The following RBM4 variants were observed in gnomAD, a reference collection of about 807,000 sequenced individuals.
RBM4 encodes RNA-binding protein 4.
In RBM4, 7 loss-of-function variants were observed where a neutral mutation model predicts 29.5. That is an observed-to-expected ratio of 0.24 (90% CI 0.14 to 0.45). The LOEUF (loss-of-function observed/expected upper bound fraction) is 0.45. Ranked by LOEUF, RBM4 falls within the 20% of genes least tolerant of loss-of-function variation. The probability of loss-of-function intolerance (pLI) is 1.00; values close to 1 mark genes in which losing one functional copy is unlikely to be tolerated. For synonymous variants in RBM4, 220 were observed against 205.4 expected, an observed-to-expected ratio of 1.07 and a Z score of -0.61; for missense variants, 387 against 502.3, an observed-to-expected ratio of 0.77 and a Z score of 2.19.
exon 3 of RBM4, chr11:66,666,252 G>GA (rs917142750): frequency 8.6e-4 from 873 of 1,020,004 alleles, no homozygotes; most frequent in Middle Eastern, 2.5e-3. Context: ...ATGGCTGGGG[G>GA]AAAAAAAAAG....
chr11:66,648,899 CAG>C (rs1938766309), downstream of RBM4, among the ~76,000 whole-genome samples: 4 of 151,126 alleles, frequency 2.6e-5, no homozygotes, highest in South Asian at 8.4e-4. Context: ...CTCCCTGTAA[CAG>C]ACAATGTAAG....
downstream of RBM4, among the ~76,000 whole-genome samples, chr11:66,647,328 G>A (rs1270002982): frequency 6.6e-6 from 1 of 152,116 alleles, no homozygotes; most frequent in Non-Finnish European, 1.5e-5. Flanking sequence ...TACTTCGATA[G>A]TTTCTCAGAT....
chr11:66,649,032 CAG>C (rs987042906), downstream of RBM4, among the ~76,000 whole-genome samples: 22 of 151,470 alleles, frequency 1.5e-4, no homozygotes, highest in African/African-American at 5.1e-4. Flanking sequence ...TTTTTTGAGA[CAG>C]AGTCTCTCTG....
At chr11:66,664,775 T>C (rs1391766227) in intron 2 of RBM4, among the ~76,000 whole-genome samples, 1 of 152,182 alleles carries the variant, frequency 6.6e-6, no homozygotes, top group Non-Finnish European at 1.5e-5. Context: ...TTTTTTATTT[T>C]TGGTAGAGAC....
At chr11:66,644,712 A>G in intron 3 of RBM4, 3 of 976,744 alleles carry the variant, frequency 3.1e-6, no homozygotes, top group Non-Finnish European at 3.6e-6. Context: ...GAACCGTTCA[A>G]CCCTTATGAG....
chr11:66,640,382 C>T (rs1183650151), intron 2 of RBM4: 7 of 552,242 alleles, frequency 1.3e-5, no homozygotes, highest in Non-Finnish European at 1.6e-5. Flanking sequence ...GTGCAGAAAC[C>T]CTTTTCTTTG....
chr11:66,652,555 CATT>C (rs376654497), intron 2 of RBM4, among the ~76,000 whole-genome samples: 3 of 152,254 alleles, frequency 2.0e-5, no homozygotes, highest in Non-Finnish European at 4.4e-5. Flanking sequence ...CATGTTCTTG[CATT>C]ATTAAGTTGT....
At chr11:66,645,908 G>A (rs1938672138) in intron 3 of RBM4, 119 bp from the exon 4 acceptor site, 2 of 1,499,232 alleles carry the variant, frequency 1.3e-6, no homozygotes, top group Admixed American at 4.0e-5. Flanking sequence ...GGGGGAGAAG[G>A]GTACAAGTAA....
Position 66,644,011 on chromosome 11 carries a change from A to G in RBM4, c.974A>G (p.Tyr325Cys), listed in dbSNP as rs1270176941. 2 of 1,613,554 alleles carry G rather than the reference A, an allele frequency of 1.2e-6. No homozygotes were observed. Among genetic ancestry groups the G allele is most frequent in the African/African-American group, 1.3e-5 (1 of 74,904 alleles). ...CCAGTCCCCACTGTTGGAGAGGGCT[A>G]CGGTTACGGGCATGAGAGTGAGTTG... ...TAPVPTVGEG[Y>C]GYGHESELSQ... The change falls in exon 3 of 4, where the codon TAC becomes TGC. Residue 325 changes from tyrosine (Y) to cysteine (C), a missense_variant. Tyr to Cys is a radical substitution (Grantham distance 194). This residue lies in a region of RBM4 where 281 missense variants were observed against 288.7 expected (regional missense o/e 0.97). Transcript: ENST00000310092.
chr11:66,648,237 T>C (rs972311183), downstream of RBM4, among the ~76,000 whole-genome samples: 9 of 151,878 alleles, frequency 5.9e-5, no homozygotes, highest in African/African-American at 2.2e-4. Flanking sequence ...TTTAAGTCCT[T>C]GGCCAGGTGC....
chr11:66,661,794 C>T (rs891161700), intron 2 of RBM4, among the ~76,000 whole-genome samples: 7 of 152,176 alleles, frequency 4.6e-5, no homozygotes, highest in Non-Finnish European at 1.0e-4. Flanking sequence ...CTTTGGGAAG[C>T]CGAGGTGGGT....
intron 2 of RBM4, among the ~76,000 whole-genome samples, chr11:66,654,491 A>G (rs1280694475): frequency 6.6e-6 from 1 of 151,778 alleles, no homozygotes; most frequent in Non-Finnish European, 1.5e-5. Flanking sequence ...GTGAGACTCC[A>G]TCTCAAAAAA....
At chr11:66,657,753 T>G (rs1455614989) in intron 2 of RBM4, among the ~76,000 whole-genome samples, 2 of 151,718 alleles carry the variant, frequency 1.3e-5, no homozygotes, top group Admixed American at 1.3e-4. Context: ...CCACCTTTTT[T>G]TTGAGACAGG....
chr11:66,647,312 G>A (rs1034431854), downstream of RBM4, among the ~76,000 whole-genome samples: 1 of 152,058 alleles, frequency 6.6e-6, no homozygotes, highest in African/African-American at 2.4e-5. Flanking sequence ...TAAAGAAGCT[G>A]GTCTTTACTT....
chr11:66,639,416 C>G, intron 1 of RBM4: 1 of 438,046 alleles, frequency 2.3e-6, no homozygotes, highest in Non-Finnish European at 4.1e-6. Context: ...TCTTCATATG[C>G]TGTCTTTCAT....
In RBM4 at chr11:66,643,892, A is replaced by AGCTGCTGCTGCAGCAGCAGCC. The variant is rs760467887; in HGVS notation, c.866_886dup (p.Ala289_Ala295dup). The AGCTGCTGCTGCAGCAGCAGCC allele has an allele frequency of 4.3e-6, 7 of 1,613,228 alleles. No homozygotes were observed. Among genetic ancestry groups the AGCTGCTGCTGCAGCAGCAGCC allele is most frequent in the East Asian group, 2.2e-5 (1 of 44,850 alleles). On this transcript the variant is annotated inframe_insertion, in exon 3 of 4. Transcript: ENST00000310092. The surrounding 1 kb of genome is among the most constrained non-coding windows in gnomAD (Gnocchi z 6.1). The stretch of plus-strand genomic sequence containing the variant: ...TGCCGACCTCAGGAGCTGCTGCCAC[A>AGCTGCTGCTGCAGCAGCAGCC]GCTGCTGCTGCAGCAGCAGCCGCTG...
intron 3 of RBM4, 71 bp downstream of exon 3, chr11:66,644,211 CT>C: frequency 6.5e-7 from 1 of 1,529,310 alleles, no homozygotes; most frequent in Non-Finnish European, 8.8e-7. Flanking sequence ...TCCAATTAGG[CT>C]GCCCTGCTTG....
intron 2 of RBM4, chr11:66,665,221 A>G (rs1939180345): frequency 7.1e-6 from 2 of 282,332 alleles, no homozygotes; most frequent in South Asian, 4.4e-5. Context: ...TTGCCACTAC[A>G]TGGTCATTTT....
Position 66,643,499 on chromosome 11 carries a change from C to T in RBM4, c.462C>T (p.Pro154=), listed in dbSNP as rs929874576. ...CCACCAGCCGGCTTAGGACTGCGCC[C>T]GGGATGGGAGACCAGAGCGGCTGCT... ...QLSTSRLRTA[P]GMGDQSGCYR... The change falls in exon 3 of 4, where the codon CCC becomes CCT. Residue 154 remains proline, a synonymous_variant. Coordinates refer to ENST00000310092, the MANE Select transcript of RBM4 (RefSeq NM_002896.4). This position sits in a 1 kb window ranked among gnomAD's most constrained non-coding sequence, Gnocchi z 6.1. 5.0e-6 allele frequency: 8 copies of T among 1,613,768 alleles called. No individual in the cohort carries two copies. The highest frequency in any genetic ancestry group is 1.1e-5 in the South Asian group (1 of 91,084).
Sources: gnomAD v4.1 joint callset for allele counts (sites outside exome capture counted in the v4.1 genomes callset) on GRCh38, gnomAD v4.1.1 for gene constraint, gnomAD v4.1.1 regional missense constraint, Gnocchi (gnomAD v3.1) non-coding constraint, MANE v1.5 for transcripts, NCBI Gene and HGNC (gene_info 2026-07-23, HGNC 2026-07-21) for gene names.